NAALAD2: variants seen among roughly 807,000 people sequenced by gnomAD.
NAALAD2 encodes N-acetylated-alpha-linked acidic dipeptidase 2.
In NAALAD2, 89 loss-of-function variants were observed where a neutral mutation model predicts 95.6. The observed-to-expected ratio is 0.93, with a 90% CI of 0.78 to 1.11. NAALAD2 has a LOEUF of 1.11. NAALAD2 is among the 50% of genes least tolerant of loss of function. NAALAD2 has a pLI of 0.00. For synonymous variants in NAALAD2, 264 were observed against 294.4 expected (o/e 0.90, Z 1.06); for missense variants, 894 against 872.4 (o/e 1.02, Z -0.31).
chr11:90,171,090 A>G (rs1033442536), intron 13 of NAALAD2, among the ~76,000 whole-genome samples: 15 of 152,214 alleles, frequency 9.9e-5, no homozygotes, highest in African/African-American at 3.4e-4. Flanking sequence ...ATAAATATTA[A>G]ATGAGTTATA....
intron 16 of NAALAD2, among the ~76,000 whole-genome samples, chr11:90,178,844 A>G (rs1191702389): frequency 6.6e-6 from 1 of 152,102 alleles, no homozygotes; most frequent in Non-Finnish European, 1.5e-5. Context: ...CATTTTTTCC[A>G]TGGTTATAAG....
At chr11:90,153,901 C>A (rs935896863) in intron 6 of NAALAD2, among the ~76,000 whole-genome samples, 1 of 152,102 alleles carries the variant, frequency 6.6e-6, no homozygotes, top group East Asian at 1.9e-4. Context: ...TTGTATCCTG[C>A]AAACTTGTTA....
intron 11 of NAALAD2, among the ~76,000 whole-genome samples, chr11:90,168,645 G>T (rs1350091337): frequency 6.6e-6 from 1 of 152,188 alleles, no homozygotes; most frequent in African/African-American, 2.4e-5. Flanking sequence ...AGGGAATCAA[G>T]GAACCACACT....
At chr11:90,136,129 G>A (rs2134814395) in intron 2 of NAALAD2, among the ~76,000 whole-genome samples, 1 of 152,164 alleles carries the variant, frequency 6.6e-6, no homozygotes, top group East Asian at 1.9e-4. Context: ...TTACAAATAA[G>A]ACAAAATGAA....
At chr11:90,173,516 A>G (rs894014691) in intron 13 of NAALAD2, among the ~76,000 whole-genome samples, 1 of 152,196 alleles carries the variant, frequency 6.6e-6, no homozygotes, top group Non-Finnish European at 1.5e-5. Context: ...ATTAATTAAA[A>G]TGGCATTTGT....
chr11:90,168,697 T>A (rs1952549426), intron 11 of NAALAD2, among the ~76,000 whole-genome samples: 1 of 152,274 alleles, frequency 6.6e-6, no homozygotes, highest in South Asian at 2.1e-4. Context: ...GCTATTGCTA[T>A]AAACAGTAGC....
intron 11 of NAALAD2, among the ~76,000 whole-genome samples, chr11:90,166,485 T>C (rs1383993242): frequency 6.6e-6 from 1 of 152,224 alleles, no homozygotes; most frequent in Admixed American, 6.5e-5. Context: ...ATCCCCTCCA[T>C]AAATGGATGT....
chr11:90,148,148 C>A (rs1182378311), intron 3 of NAALAD2, among the ~76,000 whole-genome samples: 3 of 152,096 alleles, frequency 2.0e-5, no homozygotes, highest in African/African-American at 7.2e-5. Flanking sequence ...AAGGATGTGG[C>A]TAGAGGGGCA....
At chr11:90,138,372 C>G (rs1199342972) in intron 2 of NAALAD2, among the ~76,000 whole-genome samples, 1 of 152,014 alleles carries the variant, frequency 6.6e-6, no homozygotes, top group Non-Finnish European at 1.5e-5. Flanking sequence ...CAGTCACATT[C>G]CATTTAATTC....
chr11:90,152,469 G>C lies in NAALAD2; in HGVS notation c.781G>C (p.Gly261Arg). 6.2e-7 allele frequency: 1 copy of C among 1,610,676 alleles called. No individual in the cohort carries two copies. Among genetic ancestry groups the C allele is most frequent in the Non-Finnish European group, 8.5e-7 (1 of 1,177,454 alleles). Reference sequence around the variant, plus strand: ...TGGTGCTGGTGACCCACTCACTCCAGGCTATCCAGCAAAAGGTAAGGGATG... The same window carrying C: ...TGGTGCTGGTGACCCACTCACTCCACGCTATCCAGCAAAAGGTAAGGGATG... ...LNGAGDPLTP[G>R]YPAKEYTFRL... Residue 261 changes from glycine to arginine, a missense_variant, in exon 6 of 19, where the codon GGC becomes CGC. Transcript: ENST00000534061.
intron 2 of NAALAD2, among the ~76,000 whole-genome samples, chr11:90,138,725 CTTTTTTTTTTTTTTTTTTTTTT>C (rs562496549): frequency 1.6e-5 from 1 of 61,486 alleles, no homozygotes; most frequent in Non-Finnish European, 3.2e-5. Flanking sequence ...CATCCCTCAA[CTTTTTTTTTTTTTTTTTTTTTT>C]TTTTTTTTTT....
At chr11:90,153,354 A>G (rs908046384) in intron 6 of NAALAD2, among the ~76,000 whole-genome samples, 3 of 152,164 alleles carry the variant, frequency 2.0e-5, no homozygotes, top group African/African-American at 7.2e-5. Flanking sequence ...TTTAACTTTT[A>G]CAGAAATTTT....
rs193283226 is a variant in NAALAD2 at position 90,138,800 on chromosome 11, C to T, written c.194+3130C>T. Among the ~76,000 whole-genome samples the T allele has an allele frequency of 1.8e-3, 217 of 121,208 alleles. 1 individual carries two copies. The highest frequency in any genetic ancestry group is 6.2e-3 in the African/African-American group (202 of 32,688). 79.5% of individuals were successfully genotyped at this position (121,208 alleles called of 152,430 possible). ...TCTTTCATGATTACCTTGTTTGGCTCTGTCATCAATCCTGTGAAGTCATGT... is the reference window on the plus strand; with the variant it reads ...TCTTTCATGATTACCTTGTTTGGCTTTGTCATCAATCCTGTGAAGTCATGT... On this transcript the variant is annotated intron_variant, in intron 2 of 18. Transcript: ENST00000534061.
chr11:90,190,810 C>G (rs1035374757), intron 18 of NAALAD2, among the ~76,000 whole-genome samples: 1 of 152,100 alleles, frequency 6.6e-6, no homozygotes, highest in Non-Finnish European at 1.5e-5. Context: ...ATATGGAGCT[C>G]TATATTGCTT....
At chr11:90,152,260 G>C in intron 5 of NAALAD2, 38 bp from the exon 6 acceptor site, 3 of 1,526,268 alleles carry the variant, frequency 2.0e-6, no homozygotes, top group Non-Finnish European at 2.7e-6. Flanking sequence ...CCAACCATTT[G>C]CCATATCTGC....
At chr11:90,172,904 A>G (rs967292000) in intron 13 of NAALAD2, among the ~76,000 whole-genome samples, 8 of 152,184 alleles carry the variant, frequency 5.3e-5, no homozygotes, top group Non-Finnish European at 1.2e-4. Context: ...GAGAAGACTA[A>G]GGTTCAAAGA....
At chr11:90,161,341 A>G (rs900741043) in intron 8 of NAALAD2, among the ~76,000 whole-genome samples, 2 of 152,200 alleles carry the variant, frequency 1.3e-5, no homozygotes, top group East Asian at 3.8e-4. Flanking sequence ...CAGAGCTGTA[A>G]AACAGTCTAG....
intron 16 of NAALAD2, among the ~76,000 whole-genome samples, chr11:90,180,554 T>C (rs1179597382): frequency 1.3e-5 from 2 of 151,974 alleles, no homozygotes; most frequent in Non-Finnish European, 2.9e-5. Context: ...AAATAGAAAT[T>C]CTTTCCATTA....
At chr11:90,160,806 T>G (rs1952271788) in intron 8 of NAALAD2, among the ~76,000 whole-genome samples, 1 of 152,212 alleles carries the variant, frequency 6.6e-6, no homozygotes, top group African/African-American at 2.4e-5. Flanking sequence ...AAAATAGCTG[T>G]GCTCCTTCAC....
Sources: allele counts gnomAD v4.1 joint callset (sites outside exome capture counted in the v4.1 genomes callset), GRCh38; gene constraint gnomAD v4.1.1; transcripts MANE v1.5; gene names NCBI Gene and HGNC (gene_info 2026-07-23, HGNC 2026-07-21).